Variants in SYT17 observed in about 807,000 individuals in gnomAD.
SYT17 encodes synaptotagmin 17.
In SYT17, 22 loss-of-function variants were observed where a neutral mutation model predicts 46.7. That is an observed-to-expected ratio of 0.47 (90% CI 0.34 to 0.67). The LOEUF (loss-of-function observed/expected upper bound fraction) is 0.67. SYT17 is among the 30% of genes least tolerant of loss of function. The probability of loss-of-function intolerance (pLI) is 0.01; values close to 1 mark genes in which losing one functional copy is unlikely to be tolerated. For missense variants in SYT17, 519 were observed against 612.8 expected (o/e 0.85, Z 1.62); for synonymous variants, 251 against 248.4 (o/e 1.01, Z -0.10).
chr16:19,179,558 T>C (rs1343154797), intron 3 of SYT17, among the ~76,000 whole-genome samples: 1 of 152,242 alleles, frequency 6.6e-6, no homozygotes, highest in African/African-American at 2.4e-5. Flanking sequence ...TGAGCCACCA[T>C]GCTCGGCCTC....
chr16:19,216,380 C>CTTTTTTTTTTTTTT (rs5816039), intron 5 of SYT17, among the ~76,000 whole-genome samples: 1 of 141,556 alleles, frequency 7.1e-6, no homozygotes. Flanking sequence ...ACAATTATTT[C>CTTTTTTTTTTTTTT]TTTTTTTTTT....
At chr16:19,245,527 T>G (rs1192995640) in intron 7 of SYT17, among the ~76,000 whole-genome samples, 3 of 152,186 alleles carry the variant, frequency 2.0e-5, no homozygotes, top group African/African-American at 7.2e-5. Context: ...CTGCACCTGT[T>G]TGAGGCTTGT....
chr16:19,246,344 A>G (rs1158435006), intron 7 of SYT17, among the ~76,000 whole-genome samples: 2 of 152,146 alleles, frequency 1.3e-5, no homozygotes, highest in Non-Finnish European at 2.9e-5. Flanking sequence ...TTAGCCACCA[A>G]TATATTAATA....
intron 5 of SYT17, among the ~76,000 whole-genome samples, chr16:19,210,294 C>A (rs566806021): frequency 6.6e-6 from 1 of 151,912 alleles, no homozygotes; most frequent in Non-Finnish European, 1.5e-5. Flanking sequence ...CCTGAACTCC[C>A]GGCTTCAAGT....
In SYT17 at chr16:19,246,305, T is replaced by G. The variant is rs569680042; in HGVS notation, c.1229-20575T>G. The stretch of plus-strand genomic sequence containing the variant: ...CCATATCTGGCCTATAATTTATATG[T>G]GTATATTGTATTACTATTTCTATAA... On this transcript the variant is annotated intron_variant, in intron 7 of 7. Coordinates refer to ENST00000355377, the MANE Select transcript of SYT17 (RefSeq NM_016524.4). Among the ~76,000 whole-genome samples, 8 of 152,314 alleles carry G rather than the reference T, an allele frequency of 5.3e-5. No homozygotes were observed. The South Asian group carries it at 1.7e-3, about 32-fold the overall frequency.
intron 7 of SYT17, among the ~76,000 whole-genome samples, chr16:19,245,227 A>C (rs1002485873): frequency 1.3e-5 from 2 of 152,202 alleles, no homozygotes; most frequent in African/African-American, 4.8e-5. Flanking sequence ...GTCTCCCTAG[A>C]GGACATTTGA....
Position 19,168,587 on chromosome 16 carries a change from G to T in SYT17, c.-60G>T, listed in dbSNP as rs1048556124. On this transcript the variant is annotated 5_prime_UTR_variant, in exon 1 of 8. Coordinates refer to ENST00000355377, the MANE Select transcript of SYT17 (RefSeq NM_016524.4). The surrounding 1 kb of genome is among the most constrained non-coding windows in gnomAD (Gnocchi z 6.9). ...GCTTTCTTCCCCCTCCGCTGTTGGC[G>T]AGGGCAAAGTGGCCGTGGCGGCGCC... 21 of 1,542,228 alleles carry T rather than the reference G, an allele frequency of 1.4e-5. No individual in the cohort carries two copies. Among genetic ancestry groups the T allele is most frequent in the Non-Finnish European group, 1.8e-5 (21 of 1,142,436 alleles).
chr16:19,243,954 T>G (rs1357936900), intron 7 of SYT17, among the ~76,000 whole-genome samples: 2 of 152,030 alleles, frequency 1.3e-5, no homozygotes, highest in East Asian at 3.8e-4. Flanking sequence ...GGGCAAGTTG[T>G]ACTTTTCCAA....
At chr16:19,243,045 T>C (rs1374169290) in intron 7 of SYT17, among the ~76,000 whole-genome samples, 1 of 152,208 alleles carries the variant, frequency 6.6e-6, no homozygotes, top group Non-Finnish European at 1.5e-5. Context: ...TCTGGGTTTC[T>C]GCCTCCCCCC....
At chr16:19,241,198 C>T (rs996826534) in intron 7 of SYT17, among the ~76,000 whole-genome samples, 7 of 152,098 alleles carry the variant, frequency 4.6e-5, no homozygotes, top group Admixed American at 2.6e-4. Flanking sequence ...CCGCCCGCCT[C>T]GGCCTCCCAA....
chr16:19,248,252 A>C (rs1318303088), intron 7 of SYT17, among the ~76,000 whole-genome samples: 5 of 152,204 alleles, frequency 3.3e-5, no homozygotes, highest in African/African-American at 1.2e-4. Flanking sequence ...AGCAACTGGA[A>C]CTCTCATGCA....
At chr16:19,191,431 G>C (rs1965016036) in intron 5 of SYT17, among the ~76,000 whole-genome samples, 1 of 152,164 alleles carries the variant, frequency 6.6e-6, no homozygotes, top group Non-Finnish European at 1.5e-5. Context: ...AAACCAAAAG[G>C]TCCCATCTAT....
At chr16:19,187,556 T>G (rs977084500) in intron 5 of SYT17, among the ~76,000 whole-genome samples, 1 of 152,204 alleles carries the variant, frequency 6.6e-6, no homozygotes, top group South Asian at 2.1e-4. Context: ...ATATGAGTAT[T>G]TCACTTTGAA....
chr16:19,176,436 AC>A (rs1964316179), intron 3 of SYT17, among the ~76,000 whole-genome samples: 2 of 152,138 alleles, frequency 1.3e-5, no homozygotes, highest in Non-Finnish European at 1.5e-5. Context: ...GGGTTGGCAA[AC>A]TTTTAAAGGA....
chr16:19,182,629 A>T (rs1051143830), intron 4 of SYT17, among the ~76,000 whole-genome samples: 1 of 152,174 alleles, frequency 6.6e-6, no homozygotes, highest in Non-Finnish European at 1.5e-5. Flanking sequence ...AGTACCTCCC[A>T]TGCCTCTGGC....
chr16:19,234,552 T>C (rs752980306), intron 7 of SYT17, among the ~76,000 whole-genome samples: 8 of 152,150 alleles, frequency 5.3e-5, no homozygotes, highest in Non-Finnish European at 7.4e-5. Context: ...TCAATAAATG[T>C]GAAATATGAT....
At chr16:19,209,746 T>C (rs185726636) in intron 5 of SYT17, among the ~76,000 whole-genome samples, 1,801 of 149,468 alleles carry the variant, frequency 0.012, 18 homozygotes, top group Middle Eastern at 0.043. Context: ...GGCGTGGTGG[T>C]GGGCGCCTGT....
intron 7 of SYT17, among the ~76,000 whole-genome samples, chr16:19,243,053 C>G (rs1967253001): frequency 6.6e-6 from 1 of 152,160 alleles, no homozygotes; most frequent in African/African-American, 2.4e-5. Flanking sequence ...TCTGCCTCCC[C>G]CCATGCCCTG....
In SYT17 at chr16:19,168,696, G is replaced by A. The variant is rs750947939; in HGVS notation, c.15+35G>A. 2 of 1,461,376 alleles carry A rather than the reference G, an allele frequency of 1.4e-6. No homozygotes were observed. The highest frequency in any genetic ancestry group is 2.6e-5 in the Admixed American group (1 of 39,148). 90.5% of individuals were successfully genotyped at this position (1,461,376 alleles called of 1,614,324 possible). On this transcript the variant is annotated intron_variant, in intron 1 of 7. Transcript: ENST00000355377. The surrounding 1 kb of genome is among the most constrained non-coding windows in gnomAD (Gnocchi z 6.9). ...AGGCTGGGGGCAAGGTCCGGGGTGC[G>A]GGTAGGGGGTGCCGCGCCCCCTCCG... is the stretch of plus-strand genomic sequence containing the variant.
Sources: allele counts gnomAD v4.1 joint callset (sites outside exome capture counted in the v4.1 genomes callset), GRCh38; gene constraint gnomAD v4.1.1; non-coding constraint Gnocchi (gnomAD v3.1); transcripts MANE v1.5; gene names NCBI Gene and HGNC (gene_info 2026-07-23, HGNC 2026-07-21).